NARS2: variants seen among roughly 807,000 people sequenced by gnomAD.
NARS2 encodes the protein asparaginyl-tRNA synthetase 2, mitochondrial, also known as asparaginyl-tRNA synthetase.
NARS2 carries 60 observed loss-of-function variants against 62.9 expected under a neutral mutation model. The ratio of observed to expected loss-of-function variants is 0.95; its 90% CI spans 0.77 to 1.18. NARS2 has a LOEUF of 1.18. Among genes scored for constraint, NARS2 ranks in the 50% most tolerant of loss-of-function variants. NARS2 has a pLI of 0.00. For missense variants in NARS2, 619 were observed against 576.4 expected (o/e 1.07, Z -0.76); for synonymous variants, 196 against 200.0 (o/e 0.98, Z 0.17).
At chr11:78,476,369 C>T (rs1859096089) in intron 9 of NARS2, among the ~76,000 whole-genome samples, 1 of 152,222 alleles carries the variant, frequency 6.6e-6, no homozygotes, top group African/African-American at 2.4e-5. Context: ...TCACAGAATG[C>T]TGGGGAAACT....
At chr11:78,470,808 T>C (rs1039645011) in intron 9 of NARS2, among the ~76,000 whole-genome samples, 1 of 152,010 alleles carries the variant, frequency 6.6e-6, no homozygotes, top group African/African-American at 2.4e-5. Context: ...TTTATATCAA[T>C]TTATACCCAC....
chr11:78,469,328 G>A lies in NARS2; in HGVS notation c.960-15C>T. On this transcript the variant is annotated splice_polypyrimidine_tract_variant and intron_variant, in intron 9 of 13. Transcript: ENST00000281038. ...TATAAGAAATGCTGGAGGAAAACAGGATACAAGCAGAGAAAAGTCAATACA... is the reference window on the plus strand; with the variant it reads ...TATAAGAAATGCTGGAGGAAAACAGAATACAAGCAGAGAAAAGTCAATACA... 1.9e-6 allele frequency: 3 copies of A among 1,605,340 alleles called. No homozygotes were observed. The highest frequency in any genetic ancestry group is 2.6e-6 in the Non-Finnish European group (3 of 1,172,276).
chr11:78,572,907 T>C (rs535791392), intron 1 of NARS2, among the ~76,000 whole-genome samples: 4 of 152,328 alleles, frequency 2.6e-5, no homozygotes, highest in African/African-American at 9.6e-5. Context: ...ACATCTCAAT[T>C]TGGACCAGAC....
intron 6 of NARS2, among the ~76,000 whole-genome samples, chr11:78,515,419 G>T (rs750562550): frequency 1.3e-5 from 2 of 152,170 alleles, no homozygotes; most frequent in Non-Finnish European, 2.9e-5. Context: ...GACTGCTAAC[G>T]GGTTTGGAGT....
intron 1 of NARS2, among the ~76,000 whole-genome samples, chr11:78,572,851 A>C (rs1364344843): frequency 6.6e-6 from 1 of 152,226 alleles, no homozygotes; most frequent in Non-Finnish European, 1.5e-5. Context: ...GATATTTTGC[A>C]TTCTTTTTGG....
At chr11:78,491,321 G>C (rs540645554) in intron 7 of NARS2, among the ~76,000 whole-genome samples, 6 of 152,326 alleles carry the variant, frequency 3.9e-5, no homozygotes, top group South Asian at 2.1e-4. Context: ...TGTCCCATGG[G>C]GACTGATCCA....
At chr11:78,533,306 A>G (rs774396016) in intron 5 of NARS2, 5 of 152,192 alleles carry the variant, frequency 3.3e-5, no homozygotes, top group African/African-American at 7.2e-5. Context: ...ACTTTAAGGT[A>G]GGCGTTTAGT....
In NARS2 at chr11:78,436,749, T is replaced by C. The variant is rs772340741; in HGVS notation, c.1355A>G (p.Tyr452Cys). The C allele has an allele frequency of 5.0e-6, 8 of 1,614,178 alleles. No homozygotes were observed. Among genetic ancestry groups the C allele is most frequent in the Non-Finnish European group, 6.8e-6 (8 of 1,180,008 alleles). The part of the protein sequence containing the change: ...HGGFGMGFER[Y>C]LQCILGVDNI... ...GTCAACACCCAAGATGCACTGCAGG[T>C]AGCGTTCAAATCCCATCCCAAAACC... Residue 452 changes from tyrosine (Y) to cysteine (C), a missense_variant, in exon 14 of 14, where the codon TAC becomes TGC. By Grantham distance (194) the Tyr-to-Cys change is radical. Transcript: ENST00000281038.
rs530929446 is a variant in NARS2, at chr11:78,569,803, C to T, written c.252-1051G>A. On this transcript the variant is annotated intron_variant, in intron 2 of 13. Coordinates refer to ENST00000281038, the MANE Select transcript of NARS2 (RefSeq NM_024678.6). Reference sequence around the variant, plus strand: ...GGGAATATCTCAAAGAGACAGTCATCCTACAGAAATCTAAAATCTAGGTCC... The same window carrying T: ...GGGAATATCTCAAAGAGACAGTCATTCTACAGAAATCTAAAATCTAGGTCC... Among the ~76,000 whole-genome samples, 6 of 152,268 alleles carry T rather than the reference C, an allele frequency of 3.9e-5. No individual in the cohort carries two copies. In the South Asian group the frequency reaches 1.2e-3, roughly 32 times the overall value.
intron 11 of NARS2, among the ~76,000 whole-genome samples, chr11:78,445,921 C>A (rs879479979): frequency 6.6e-6 from 1 of 152,130 alleles, no homozygotes; most frequent in African/African-American, 2.4e-5. Context: ...GATTATACCA[C>A]CTGTACTCTA....
intron 12 of NARS2, among the ~76,000 whole-genome samples, chr11:78,442,491 T>C (rs1483332462): frequency 1.3e-5 from 2 of 152,202 alleles, no homozygotes; most frequent in Non-Finnish European, 2.9e-5. Context: ...TTTTAAAGCA[T>C]TTCCCCATTA....
chr11:78,488,247 A>C (rs1408369715), intron 7 of NARS2, among the ~76,000 whole-genome samples: 10 of 152,016 alleles, frequency 6.6e-5, no homozygotes, highest in Non-Finnish European at 8.8e-5. Context: ...AAAAAAAAAA[A>C]AAAAAACTGT....
At position 78,559,301 on chromosome 11, in the gene NARS2, CA is replaced by C. The variant is rs10627726; in HGVS notation, c.594+237del. Reference sequence around the variant, plus strand: ...CTGGCCACAGAGTGAGACTCCATCTCAAAAAAAAAAAAAAAAAAAAAAAAAA... The same window carrying C: ...CTGGCCACAGAGTGAGACTCCATCTCAAAAAAAAAAAAAAAAAAAAAAAAA... On this transcript the variant is annotated intron_variant, in intron 5 of 13. Coordinates refer to ENST00000281038, the MANE Select transcript of NARS2 (RefSeq NM_024678.6). 6.6e-3 allele frequency among the ~76,000 whole-genome samples: 387 copies of C among 58,386 alleles called. 1 individual carries two copies. The highest frequency in any genetic ancestry group is 0.03 in the African/African-American group (367 of 12,340). The allele number at this position is 58,386 out of a possible 152,430, so 38.3% of individuals were successfully genotyped here.
intron 2 of NARS2, among the ~76,000 whole-genome samples, chr11:78,570,279 T>C (rs1856879395): frequency 6.6e-6 from 1 of 152,208 alleles, no homozygotes; most frequent in African/African-American, 2.4e-5. Context: ...ACCTATTCAA[T>C]GTGTAAACAG....
intron 3 of NARS2, among the ~76,000 whole-genome samples, chr11:78,566,753 C>T (rs568593012): frequency 1.3e-5 from 2 of 152,164 alleles, no homozygotes; most frequent in Non-Finnish European, 2.9e-5. Flanking sequence ...CTATTATCAA[C>T]GTGCTACTTC....
intron 5 of NARS2, among the ~76,000 whole-genome samples, chr11:78,546,889 C>T (rs931509747): frequency 5.9e-5 from 9 of 152,210 alleles, no homozygotes; most frequent in Non-Finnish European, 1.0e-4. Flanking sequence ...AGAAATCTCT[C>T]CTAGAGCACT....
chr11:78,463,324 T>A (rs373458598), intron 11 of NARS2, among the ~76,000 whole-genome samples: 1 of 152,206 alleles, frequency 6.6e-6, no homozygotes, highest in Non-Finnish European at 1.5e-5. Flanking sequence ...ACTACCAAAG[T>A]GCTAGGATTA....
intron 11 of NARS2, among the ~76,000 whole-genome samples, chr11:78,461,076 C>T (rs375365881): frequency 3.9e-5 from 6 of 152,244 alleles, no homozygotes; most frequent in African/African-American, 7.2e-5. Context: ...TTAGTATCCT[C>T]GAATTTTGCT....
chr11:78,480,348 G>C (rs1256444092), intron 7 of NARS2, among the ~76,000 whole-genome samples: 1 of 152,008 alleles, frequency 6.6e-6, no homozygotes, highest in Non-Finnish European at 1.5e-5. Flanking sequence ...TCTGCCTCCT[G>C]GGTTCAAGCA....
Sources: gnomAD v4.1 joint callset for allele counts (sites outside exome capture counted in the v4.1 genomes callset) on GRCh38, gnomAD v4.1.1 for gene constraint, MANE v1.5 for transcripts, NCBI Gene and HGNC (gene_info 2026-07-23, HGNC 2026-07-21) for gene names.